CAMK1D: variants seen among roughly 807,000 people sequenced by gnomAD.
CAMK1D encodes calcium/calmodulin dependent protein kinase ID.
A neutral mutation model predicts 47.7 loss-of-function variants in CAMK1D; 9 were observed. The observed-to-expected ratio is 0.19, with a 90% CI of 0.11 to 0.33. The LOEUF (loss-of-function observed/expected upper bound fraction) is 0.33. Among genes scored for constraint, CAMK1D ranks in the 10% least tolerant of loss-of-function variants. The pLI, the probability that CAMK1D is intolerant of heterozygous loss-of-function variation, is 1.00. For missense variants in CAMK1D, 291 were observed against 488.7 expected, an observed-to-expected ratio of 0.60 and a Z score of 3.81; for synonymous variants, 184 against 184.9, an observed-to-expected ratio of 0.99 and a Z score of 0.04.
At chr10:12,777,901 C>T (rs1025364212) in intron 5 of CAMK1D, among the ~76,000 whole-genome samples, 3 of 152,194 alleles carry the variant, frequency 2.0e-5, no homozygotes, top group African/African-American at 7.2e-5. Flanking sequence ...CAGGGCAGAG[C>T]CCAGCCCCAT....
chr10:12,510,297 T>C (rs977419140), intron 1 of CAMK1D, among the ~76,000 whole-genome samples: 2 of 152,122 alleles, frequency 1.3e-5, no homozygotes, highest in African/African-American at 4.8e-5. Context: ...ATACCTGTAA[T>C]CCGAGTTACT....
At chr10:12,360,770 G>A (rs1564292326) in intron 1 of CAMK1D, among the ~76,000 whole-genome samples, 1 of 152,132 alleles carries the variant, frequency 6.6e-6, no homozygotes, top group Non-Finnish European at 1.5e-5. Context: ...AATAGAACCC[G>A]TAAACCAACC....
intron 1 of CAMK1D, among the ~76,000 whole-genome samples, chr10:12,507,909 A>G (rs1361996656): frequency 2.6e-5 from 4 of 151,756 alleles, no homozygotes; most frequent in Admixed American, 6.6e-5. Context: ...CTCTTCTCTC[A>G]TCCCTCTCTT....
At chr10:12,606,048 G>A (rs989063401) in intron 2 of CAMK1D, among the ~76,000 whole-genome samples, 1 of 152,206 alleles carries the variant, frequency 6.6e-6, no homozygotes, top group Non-Finnish European at 1.5e-5. Context: ...GATCGAGGTC[G>A]GAGAAAAGGC....
intron 2 of CAMK1D, among the ~76,000 whole-genome samples, chr10:12,658,926 C>T (rs941664257): frequency 6.6e-6 from 1 of 152,168 alleles, no homozygotes; most frequent in Non-Finnish European, 1.5e-5. Context: ...TACAGAAAGC[C>T]CTCTGTCCTT....
chr10:12,554,130 A>G (rs1285985207), intron 2 of CAMK1D, among the ~76,000 whole-genome samples: 7 of 139,730 alleles, frequency 5.0e-5, no homozygotes, highest in Non-Finnish European at 9.3e-5. Context: ...TTCCCTCCCC[A>G]CTCCCCTCCC....
intron 1 of CAMK1D, among the ~76,000 whole-genome samples, chr10:12,467,649 A>G (rs1833631805): frequency 6.6e-6 from 1 of 152,208 alleles, no homozygotes; most frequent in Admixed American, 6.5e-5. Flanking sequence ...TCTCTCATCA[A>G]CACTCATTTT....
At position 12,464,581 on chromosome 10, in the gene CAMK1D, C is replaced by T. The variant is rs562520512; in HGVS notation, c.93-88644C>T. Among the ~76,000 whole-genome samples, 8 of 152,124 alleles carry T rather than the reference C, an allele frequency of 5.3e-5. No homozygotes were observed. The East Asian group carries it at 1.4e-3, about 26-fold the overall frequency. ...CTGTAATCCCAGTACTTTGGGAGGC[C>T]GAGGCAGGCGGATCACGAGGTCAGG... is the stretch of plus-strand genomic sequence containing the variant. On this transcript the variant is annotated intron_variant, in intron 1 of 10. Transcript: ENST00000619168.
chr10:12,520,070 A>ACCC (rs1262404782), intron 1 of CAMK1D, among the ~76,000 whole-genome samples: 1 of 40,690 alleles, frequency 2.5e-5, no homozygotes, highest in Non-Finnish European at 4.9e-5. Flanking sequence ...TGGGGGGCTG[A>ACCC]CCCCCCCCCA....
In CAMK1D at chr10:12,685,718, T is replaced by C. The variant is rs77230380; in HGVS notation, c.299+18908T>C. ...CTCCCTGTTCTCAATCATCCTGGGC[T>C]GGAGAGATTGAGAGAGAAAGGATGG... On this transcript the variant is annotated intron_variant, in intron 3 of 10. Transcript: ENST00000619168. 4.4e-3 allele frequency among the ~76,000 whole-genome samples: 666 copies of C among 152,268 alleles called. 6 individuals are homozygous for C. The highest frequency in any genetic ancestry group is 0.015 in the African/African-American group (643 of 41,560).
intron 3 of CAMK1D, among the ~76,000 whole-genome samples, chr10:12,695,578 G>A (rs1286556581): frequency 2.6e-5 from 4 of 152,170 alleles, no homozygotes; most frequent in South Asian, 2.1e-4. Context: ...TTCACATCAC[G>A]TAAAAGGGTG....
intron 2 of CAMK1D, among the ~76,000 whole-genome samples, chr10:12,555,882 G>C (rs12569857): frequency 0.11 from 16,872 of 152,202 alleles, 1,028 homozygotes; most frequent in East Asian, 0.26. Context: ...ATGGATGCAG[G>C]CTTTATAAAC....
intron 1 of CAMK1D, among the ~76,000 whole-genome samples, chr10:12,365,218 A>C (rs577470633): frequency 3.9e-5 from 6 of 152,042 alleles, no homozygotes; most frequent in African/African-American, 1.4e-4. Flanking sequence ...AGCCTCCCAA[A>C]GTTCTGGGAT....
At chr10:12,812,768 C>A (rs749252554) in intron 6 of CAMK1D, among the ~76,000 whole-genome samples, 7 of 152,226 alleles carry the variant, frequency 4.6e-5, no homozygotes, top group Non-Finnish European at 1.0e-4. Context: ...CTCTTCCTGG[C>A]CGTCCAGTGT....
At chr10:12,768,318 T>C (rs899148066) in intron 4 of CAMK1D, among the ~76,000 whole-genome samples, 2 of 152,204 alleles carry the variant, frequency 1.3e-5, no homozygotes, top group African/African-American at 4.8e-5. Context: ...GCTTGACTTT[T>C]CCCTCCGGCT....
intron 1 of CAMK1D, among the ~76,000 whole-genome samples, chr10:12,531,021 G>C (rs1254910989): frequency 2.0e-5 from 3 of 150,110 alleles, no homozygotes; most frequent in Non-Finnish European, 2.9e-5. Flanking sequence ...TTGTGCCACT[G>C]CACTCTAGCC....
intron 1 of CAMK1D, among the ~76,000 whole-genome samples, chr10:12,381,673 C>T (rs1385558445): frequency 2.0e-5 from 3 of 152,102 alleles, no homozygotes; most frequent in Non-Finnish European, 4.4e-5. Context: ...TGAGAATTGA[C>T]GATACAGTCT....
chr10:12,450,462 T>G (rs549191931), intron 1 of CAMK1D, among the ~76,000 whole-genome samples: 1 of 152,324 alleles, frequency 6.6e-6, no homozygotes, highest in South Asian at 2.1e-4. Context: ...ATCGAAGCTT[T>G]AGAGACATAA....
intron 1 of CAMK1D, among the ~76,000 whole-genome samples, chr10:12,488,376 T>C (rs1459132658): frequency 6.6e-6 from 1 of 152,030 alleles, no homozygotes; most frequent in African/African-American, 2.4e-5. Flanking sequence ...ATTCCATGGA[T>C]CAACTCACTA....
Sources: gnomAD v4.1 joint callset for allele counts (sites outside exome capture counted in the v4.1 genomes callset) on GRCh38, gnomAD v4.1.1 for gene constraint, MANE v1.5 for transcripts, NCBI Gene and HGNC (gene_info 2026-07-23, HGNC 2026-07-21) for gene names.